SCOC: variants seen among roughly 807,000 people sequenced by gnomAD.
The protein encoded by SCOC is short coiled-coil protein.
In SCOC, 7 loss-of-function variants were observed where a neutral mutation model predicts 9.9. That is an observed-to-expected ratio of 0.71 (90% confidence interval 0.40 to 1.33). The LOEUF is 1.33. Ranked by LOEUF, SCOC falls within the 40% of genes most tolerant of loss-of-function variation. The pLI is 0.01. For missense variants in SCOC, 66 were observed against 89.7 expected (o/e 0.74, Z 1.07); for synonymous variants, 19 against 28.2 (o/e 0.67, Z 1.03).
Position 140,382,895 on chromosome 4 carries a change from C to G in SCOC, c.*1791C>G, listed in dbSNP as rs1728616224. On this transcript the variant is annotated 3_prime_UTR_variant, in exon 4 of 4. Coordinates refer to ENST00000608372, the MANE Select transcript of SCOC (RefSeq NM_001153484.2). Reference sequence around the variant, plus strand: ...GAAGTTTCTCTCCCAACCAGTGGTTCCAAGGTCAGCATTGCAGGCTAGCAG... The same window carrying G: ...GAAGTTTCTCTCCCAACCAGTGGTTGCAAGGTCAGCATTGCAGGCTAGCAG... 2 of 152,160 alleles carry G rather than the reference C, an allele frequency of 1.3e-5. No individual in the cohort carries two copies. The highest frequency in any genetic ancestry group is 4.8e-5 in the African/African-American group (2 of 41,438). 9.4% of individuals were successfully genotyped at this position (152,160 alleles called of 1,614,324 possible). A position where few individuals can be genotyped will look rare whatever the true frequency, so the allele number is the denominator to read the frequency against.
chr4:140,321,034 G>A (rs140237796), intron 1 of SCOC, among the ~76,000 whole-genome samples: 76 of 152,294 alleles, frequency 5.0e-4, no homozygotes, highest in East Asian at 4.4e-3. Context: ...GACTCTCTCC[G>A]GAGGATAGTG....
chr4:140,316,707 T>C (rs190526888), intron 1 of SCOC, among the ~76,000 whole-genome samples: 293 of 152,222 alleles, frequency 1.9e-3, no homozygotes, highest in Non-Finnish European at 3.1e-3. Flanking sequence ...ATCATTACAA[T>C]TGAGGGCATG....
intron 1 of SCOC, among the ~76,000 whole-genome samples, chr4:140,275,820 GTTTTTTTTT>G (rs1175950527): frequency 1.1e-5 from 1 of 90,648 alleles, no homozygotes; most frequent in Non-Finnish European, 2.0e-5. Flanking sequence ...GCTCAGGTTT[GTTTTTTTTT>G]TTTTTTTTTT....
intron 1 of SCOC, among the ~76,000 whole-genome samples, chr4:140,320,890 G>C (rs571655435): frequency 6.6e-6 from 1 of 152,300 alleles, no homozygotes; most frequent in African/African-American, 2.4e-5. Context: ...AGTTGCAGGA[G>C]CCACTGAGAC....
At chr4:140,274,790 C>T (rs926716509) in intron 1 of SCOC, among the ~76,000 whole-genome samples, 1 of 152,194 alleles carries the variant, frequency 6.6e-6, no homozygotes, top group African/African-American at 2.4e-5. Flanking sequence ...TCAACCACTC[C>T]TCGGTGTCTA....
At chr4:140,287,262 G>A (rs946462054) in intron 1 of SCOC, among the ~76,000 whole-genome samples, 4 of 128,844 alleles carry the variant, frequency 3.1e-5, no homozygotes, top group South Asian at 2.5e-4. Context: ...TGCTAAATGC[G>A]CAAATCATGT....
At chr4:140,273,417 AT>A (rs1176894390) in intron 1 of SCOC, among the ~76,000 whole-genome samples, 2 of 151,876 alleles carry the variant, frequency 1.3e-5, no homozygotes, top group African/African-American at 2.4e-5. Flanking sequence ...TTGGAAAGAT[AT>A]TTTTTTCTTT....
At chr4:140,324,477 C>T (rs1172816365) in intron 1 of SCOC, among the ~76,000 whole-genome samples, 1 of 152,036 alleles carries the variant, frequency 6.6e-6, no homozygotes, top group Non-Finnish European at 1.5e-5. Context: ...ACAAAACACT[C>T]CGAGAACTCA....
At chr4:140,345,741 GTACATA>G (rs1264612456) in intron 2 of SCOC, among the ~76,000 whole-genome samples, 2 of 152,020 alleles carry the variant, frequency 1.3e-5, no homozygotes, top group Admixed American at 6.5e-5. Flanking sequence ...ACATACATGT[GTACATA>G]TACATATATA....
intron 3 of SCOC, among the ~76,000 whole-genome samples, chr4:140,380,052 T>C (rs1166771493): frequency 6.6e-6 from 1 of 152,146 alleles, no homozygotes; most frequent in African/African-American, 2.4e-5. Context: ...GAAACATCTT[T>C]TGAGTTTTAA....
At chr4:140,338,994 C>T (rs1726387317), upstream of SCOC, among the ~76,000 whole-genome samples, 1 of 152,204 alleles carries the variant, frequency 6.6e-6, no homozygotes, top group South Asian at 2.1e-4. Context: ...ATTGCCAAGT[C>T]AATCCTAAGC....
chr4:140,287,204 G>T (rs982536951), intron 1 of SCOC, among the ~76,000 whole-genome samples: 1 of 145,220 alleles, frequency 6.9e-6, no homozygotes, highest in Non-Finnish European at 1.5e-5. Flanking sequence ...CACACATCAT[G>T]TGCAAATGCC....
intron 2 of SCOC, among the ~76,000 whole-genome samples, chr4:140,359,912 T>C (rs1217041428): frequency 4.6e-5 from 7 of 152,232 alleles, no homozygotes. Flanking sequence ...GATCCCATTT[T>C]TTCTTTAGTC....
chr4:140,283,570 T>G (rs1731147780), intron 1 of SCOC, among the ~76,000 whole-genome samples: 1 of 152,238 alleles, frequency 6.6e-6, no homozygotes. Flanking sequence ...ACAATCTTGA[T>G]GATACAGGTT....
chr4:140,317,539 CT>C (rs1186835282), intron 1 of SCOC, among the ~76,000 whole-genome samples: 1 of 151,904 alleles, frequency 6.6e-6, no homozygotes, highest in Admixed American at 6.6e-5. Flanking sequence ...GTTGTAAGCC[CT>C]TAAAAGAGAC....
chr4:140,320,142 C>T (rs1732455766), intron 1 of SCOC, among the ~76,000 whole-genome samples: 1 of 152,122 alleles, frequency 6.6e-6, no homozygotes, highest in Non-Finnish European at 1.5e-5. Context: ...GCTGATAAAA[C>T]AGATTGCAGT....
chr4:140,366,494 T>G, intron 2 of SCOC: 3 of 1,568,928 alleles, frequency 1.9e-6, no homozygotes, highest in Non-Finnish European at 2.6e-6. Context: ...TTAACTTCAT[T>G]CTTGATTATT....
intron 1 of SCOC, among the ~76,000 whole-genome samples, chr4:140,311,676 C>T (rs1353917092): frequency 6.6e-6 from 1 of 152,120 alleles, no homozygotes; most frequent in Non-Finnish European, 1.5e-5. Context: ...TGGGGTCAGA[C>T]TGCTTGAGTT....
intron 2 of SCOC, among the ~76,000 whole-genome samples, chr4:140,364,531 A>G (rs1727705291): frequency 6.6e-6 from 1 of 152,210 alleles, no homozygotes; most frequent in South Asian, 2.1e-4. Flanking sequence ...ACCAGGATTT[A>G]AGGCAGGAAG....
Sources: allele counts gnomAD v4.1 joint callset (sites outside exome capture counted in the v4.1 genomes callset), GRCh38; gene constraint gnomAD v4.1.1; transcripts MANE v1.5; gene names NCBI Gene and HGNC (gene_info 2026-07-23, HGNC 2026-07-21).